Variants in RHOBTB3 observed in about 807,000 individuals in gnomAD.
RHOBTB3 encodes Rho related BTB domain containing 3, also known as rho-related BTB domain-containing protein 3.
Under a neutral mutation model 67.2 loss-of-function variants are expected in RHOBTB3, and 47 were observed. That is an observed-to-expected ratio of 0.70 (90% CI 0.55 to 0.89). The LOEUF (loss-of-function observed/expected upper bound fraction) is 0.89. RHOBTB3 is among the 40% of genes least tolerant of loss of function. The pLI, the probability that RHOBTB3 is intolerant of heterozygous loss-of-function variation, is 0.00. For missense variants in RHOBTB3, 631 were observed against 750.0 expected (o/e 0.84, Z 1.85); for synonymous variants, 273 against 274.2 (o/e 1.00, Z 0.04).
intron 8 of RHOBTB3, among the ~76,000 whole-genome samples, chr5:95,771,546 G>C (rs1745714275): frequency 6.6e-6 from 1 of 152,150 alleles, no homozygotes; most frequent in South Asian, 2.1e-4. Flanking sequence ...CTAACAAGAG[G>C]ACACAGACTT....
Position 95,731,387 on chromosome 5 carries a change from G to T in RHOBTB3, c.-296G>T. The T allele has an allele frequency of 8.6e-7, 1 of 1,168,974 alleles. No homozygotes were observed. Among genetic ancestry groups the T allele is most frequent in the Non-Finnish European group, 1.1e-6 (1 of 950,872 alleles). The allele number at this position is 1,168,974 out of a possible 1,614,324, so 72.4% of individuals were successfully genotyped here. Reference sequence around the variant, plus strand: ...GGAGGCGCGGCGGAGAGGGGACTGCGGTCAGCTGCGTCCACTTGGGGCTGT... The same window carrying T: ...GGAGGCGCGGCGGAGAGGGGACTGCTGTCAGCTGCGTCCACTTGGGGCTGT... On this transcript the variant is annotated 5_prime_UTR_variant, in exon 1 of 12. Transcript: ENST00000379982.
chr5:95,762,331 A>G (rs974862996), intron 6 of RHOBTB3, among the ~76,000 whole-genome samples: 1 of 152,116 alleles, frequency 6.6e-6, no homozygotes, highest in Non-Finnish European at 1.5e-5. Context: ...GCCCCTTCCA[A>G]TTGGATTTGG....
intron 9 of RHOBTB3, among the ~76,000 whole-genome samples, chr5:95,780,839 G>A (rs3777217): frequency 0.4 from 61,188 of 151,884 alleles, 12,518 homozygotes; most frequent in African/African-American, 0.46. Flanking sequence ...TTCTGATTGG[G>A]GCACTTTTAA....
At chr5:95,788,894 T>C (rs1356087957) in intron 11 of RHOBTB3, 36 bp downstream of exon 11, 2 of 1,264,838 alleles carry the variant, frequency 1.6e-6, no homozygotes, top group East Asian at 5.1e-5. Flanking sequence ...AAGAAAACTT[T>C]ATGTTCTTTG....
chr5:95,765,155 A>C (rs1187629688), intron 7 of RHOBTB3, among the ~76,000 whole-genome samples: 1 of 152,186 alleles, frequency 6.6e-6, no homozygotes, highest in African/African-American at 2.4e-5. Context: ...GAATCTGTTT[A>C]TAGATTCTCT....
rs1755245484 is a variant in RHOBTB3 at position 95,731,517 on chromosome 5, C to T, written c.-166C>T. The T allele has an allele frequency of 3.2e-6, 4 of 1,261,650 alleles. No homozygotes were observed. The highest frequency in any genetic ancestry group is 4.0e-6 in the Non-Finnish European group (4 of 1,007,680). The allele number at this position is 1,261,650 out of a possible 1,614,324, so 78.2% of individuals were successfully genotyped here. On this transcript the variant is annotated 5_prime_UTR_variant, in exon 1 of 12. Transcript: ENST00000379982. The stretch of plus-strand genomic sequence containing the variant: ...GGTCCCCGGCTCGCTCGCTGGCTGG[C>T]GCGGCCCCGGCCCCGCTCTGCGTCG...
chr5:95,742,407 T>C (rs1755625279), intron 3 of RHOBTB3, among the ~76,000 whole-genome samples: 1 of 152,234 alleles, frequency 6.6e-6, no homozygotes, highest in Admixed American at 6.5e-5. Context: ...TCAGTCACAC[T>C]GAACTACTTG....
At chr5:95,788,972 AAT>A in intron 11 of RHOBTB3, 114 bp downstream of exon 11, 1 of 639,560 alleles carries the variant, frequency 1.6e-6, no homozygotes, top group Non-Finnish European at 2.6e-6. Context: ...CAATGTAATA[AAT>A]TTCTTGTAAA....
intron 4 of RHOBTB3, among the ~76,000 whole-genome samples, 178 bp from the exon 5 acceptor site, chr5:95,752,061 A>G (rs758017790): frequency 1.3e-5 from 2 of 152,240 alleles, no homozygotes; most frequent in South Asian, 2.1e-4. Flanking sequence ...AGAAGGCACA[A>G]TCTGCTCCAC....
At chr5:95,730,751 C>A, upstream of RHOBTB3, 1 of 360,240 alleles carries the variant, frequency 2.8e-6, no homozygotes, top group East Asian at 9.1e-5. Flanking sequence ...AAATAATCCC[C>A]CCAAGGCGAC....
At chr5:95,757,708 G>A (rs1745286836) in intron 6 of RHOBTB3, among the ~76,000 whole-genome samples, 1 of 152,210 alleles carries the variant, frequency 6.6e-6, no homozygotes, top group Admixed American at 6.5e-5. Flanking sequence ...AGAATGTGGT[G>A]CTAGGTTAGT....
intron 3 of RHOBTB3, among the ~76,000 whole-genome samples, chr5:95,744,092 C>T (rs1269734018): frequency 6.6e-6 from 1 of 151,798 alleles, no homozygotes; most frequent in Non-Finnish European, 1.5e-5. Flanking sequence ...TTCTCTCCTC[C>T]CCCCTTCCCC....
chr5:95,790,434 A>G (rs997716817), intron 11 of RHOBTB3, among the ~76,000 whole-genome samples: 4 of 152,232 alleles, frequency 2.6e-5, no homozygotes, highest in Non-Finnish European at 5.9e-5. Context: ...ACTATCTTGT[A>G]TAGATATATG....
intron 7 of RHOBTB3, among the ~76,000 whole-genome samples, chr5:95,767,539 T>C (rs1745582971): frequency 6.6e-6 from 1 of 152,164 alleles, no homozygotes; most frequent in Admixed American, 6.5e-5. Flanking sequence ...GGTTTTGCTA[T>C]GTTGGCCAGG....
intron 3 of RHOBTB3, among the ~76,000 whole-genome samples, chr5:95,740,868 CTT>C (rs34577877): frequency 1.3e-5 from 2 of 151,872 alleles, no homozygotes; most frequent in Admixed American, 1.3e-4. Context: ...CACACACACA[CTT>C]TTTTTTGGCT....
At chr5:95,763,341 T>C (rs1233642397) in intron 6 of RHOBTB3, among the ~76,000 whole-genome samples, 167 bp from the exon 7 acceptor site, 2 of 152,216 alleles carry the variant, frequency 1.3e-5, no homozygotes, top group Non-Finnish European at 2.9e-5. Flanking sequence ...ACTGATCGTT[T>C]TGAAATGTGA....
rs1580432573 is a variant in RHOBTB3, at chr5:95,789,004, A to G, written c.1720+146A>G. 5.4e-6 allele frequency: 3 copies of G among 557,886 alleles called. No homozygotes were observed. The African/African-American group carries it at 6.0e-5, about 11-fold the overall frequency. 34.6% of individuals were successfully genotyped at this position (557,886 alleles called of 1,614,324 possible). ...TGTAAATTATGCAGTGTGGTAATTG[A>G]GGAAACAATTTATAGTCACCTGTGT... On this transcript the variant is annotated intron_variant, in intron 11 of 11. Transcript: ENST00000379982.
intron 7 of RHOBTB3, among the ~76,000 whole-genome samples, chr5:95,766,868 A>G (rs1745562305): frequency 6.6e-6 from 1 of 152,222 alleles, no homozygotes; most frequent in Admixed American, 6.5e-5. Context: ...TATAGGTTCT[A>G]GTGGGCTCTG....
chr5:95,750,587 G>A (rs1220939570), intron 4 of RHOBTB3, among the ~76,000 whole-genome samples: 1 of 152,214 alleles, frequency 6.6e-6, no homozygotes, highest in African/African-American at 2.4e-5. Context: ...CTATGGAATA[G>A]TGCTAGGACT....
Sources: allele counts gnomAD v4.1 joint callset (sites outside exome capture counted in the v4.1 genomes callset), GRCh38; gene constraint gnomAD v4.1.1; transcripts MANE v1.5; gene names NCBI Gene and HGNC (gene_info 2026-07-23, HGNC 2026-07-21).